DMD: variants seen among roughly 807,000 people sequenced by gnomAD.
DMD encodes the protein mutant dystrophin.
A neutral mutation model predicts 330.1 loss-of-function variants in DMD; 63 were observed. That is an observed-to-expected ratio of 0.19 (90% CI 0.16 to 0.24). The LOEUF is 0.24. Ranked by LOEUF, DMD falls within the 10% of genes least tolerant of loss-of-function variation. The pLI, the probability that DMD is intolerant of heterozygous loss-of-function variation, is 1.00. For missense variants in DMD, 3,344 were observed against 2,684.1 expected, an observed-to-expected ratio of 1.25 and a Z score of -5.43; for synonymous variants, 1,223 against 959.8, an observed-to-expected ratio of 1.27 and a Z score of -5.07.
intron 1 of DMD, among the ~76,000 whole-genome samples, chrX:33,295,723 A>G (rs2053574176): frequency 1.8e-5 from 2 of 111,489 alleles, no homozygotes; most frequent in South Asian, 7.4e-4. Flanking sequence ...TGCGGTGTGC[A>G]ATAAACAGAC....
rs1405508741 is a variant in DMD at position 33,211,221 on chromosome X, G to C, written c.31+61C>G. ...TAAAATCAATCTACCTAATTAGTGA[G>C]CTTGTCACAAACTAAACGTTATGCC... On this transcript the variant is annotated intron_variant, in intron 1 of 78. Coordinates refer to ENST00000357033, the MANE Select transcript of DMD (RefSeq NM_004006.3). The C allele has an allele frequency of 2.6e-6, 3 of 1,168,226 alleles. No homozygotes were observed. The East Asian group carries it at 9.1e-5, about 35-fold the overall frequency.
At position 32,094,483 on chromosome X, in the gene DMD, G is replaced by C. The variant is rs181386178; in HGVS notation, c.6438+122433C>G. On this transcript the variant is annotated intron_variant, in intron 44 of 78. Transcript: ENST00000357033. Reference sequence around the variant, plus strand: ...AATATCAATAATGCCAAAATGTTTAGTTATTTTTGTGAGATATCTCAATAC... The same window carrying C: ...AATATCAATAATGCCAAAATGTTTACTTATTTTTGTGAGATATCTCAATAC... Among the ~76,000 whole-genome samples, 464 of 111,672 alleles carry C rather than the reference G, an allele frequency of 4.2e-3. 4 individuals are homozygous for C. The highest frequency in any genetic ancestry group is 0.015 in the African/African-American group (451 of 30,697).
intron 2 of DMD, among the ~76,000 whole-genome samples, chrX:32,911,480 T>A (rs894327819): frequency 8.9e-6 from 1 of 112,275 alleles, no homozygotes; most frequent in African/African-American, 3.2e-5. Flanking sequence ...GTAAATTGTG[T>A]ACTACTTACA....
chrX:32,874,590 G>A lies in DMD; in HGVS notation c.94-24770C>T, dbSNP rs1004954516. Among the ~76,000 whole-genome samples, 3 of 111,471 alleles carry A rather than the reference G, an allele frequency of 2.7e-5. No homozygotes were observed. The Admixed American group carries it at 2.9e-4, about 11-fold the overall frequency. Reference sequence around the variant, plus strand: ...CAGCAGTTATGATGGACTAGAAATGGCCACAAAATTATTTGACACTTCTTT... The same window carrying A: ...CAGCAGTTATGATGGACTAGAAATGACCACAAAATTATTTGACACTTCTTT... On this transcript the variant is annotated intron_variant, in intron 2 of 78. Coordinates refer to ENST00000357033, the MANE Select transcript of DMD (RefSeq NM_004006.3).
chrX:31,702,042 A>G (rs760316757), intron 52 of DMD, among the ~76,000 whole-genome samples: 3 of 112,060 alleles, frequency 2.7e-5, no homozygotes, highest in African/African-American at 9.7e-5. Flanking sequence ...ATGTTTTCAG[A>G]TATCCCTTCA....
At chrX:32,816,392 T>C (rs2077763224) in intron 6 of DMD, 76 bp downstream of exon 6, 8 of 1,106,673 alleles carry the variant, frequency 7.2e-6, no homozygotes, top group East Asian at 3.0e-5. Flanking sequence ...TCTGGAACCA[T>C]ACTGGGGAAA....
chrX:32,377,750 A>G (rs2097909651), intron 34 of DMD, among the ~76,000 whole-genome samples: 1 of 111,874 alleles, frequency 8.9e-6, no homozygotes, highest in Non-Finnish European at 1.9e-5. Flanking sequence ...ACAGAAGGTT[A>G]CATGATGTGA....
intron 17 of DMD, among the ~76,000 whole-genome samples, chrX:32,543,558 C>T (rs2048688850): frequency 8.9e-6 from 1 of 111,892 alleles, no homozygotes; most frequent in Non-Finnish European, 1.9e-5. Context: ...GTCCACTAAG[C>T]GTTGTCTATA....
chrX:31,712,716 T>C (rs1603450471), intron 52 of DMD, among the ~76,000 whole-genome samples: 1 of 111,287 alleles, frequency 9.0e-6, no homozygotes, highest in South Asian at 3.8e-4. Flanking sequence ...TAATCAGGAC[T>C]TATGCTGTGT....
intron 29 of DMD, among the ~76,000 whole-genome samples, chrX:32,423,954 C>G (rs1196788677): frequency 1.8e-5 from 2 of 111,183 alleles, no homozygotes; most frequent in African/African-American, 6.5e-5. Context: ...GGAAAAATTT[C>G]TAATTTACAA....
At chrX:32,427,955 A>G (rs112785876) in intron 29 of DMD, among the ~76,000 whole-genome samples, 3,761 of 111,009 alleles carry the variant, frequency 0.034, 163 homozygotes, top group African/African-American at 0.11. Context: ...TAGTTATAAC[A>G]TTTTCATCCT....
intron 44 of DMD, among the ~76,000 whole-genome samples, chrX:32,185,829 G>A (rs1039721671): frequency 9.1e-6 from 1 of 109,866 alleles, no homozygotes; most frequent in African/African-American, 3.4e-5. Flanking sequence ...CCCCAAATTT[G>A]TGTTGTTTAT....
intron 2 of DMD, among the ~76,000 whole-genome samples, chrX:32,965,219 C>T (rs766778271): frequency 1.8e-5 from 2 of 111,199 alleles, no homozygotes; most frequent in East Asian, 2.8e-4. Flanking sequence ...GGGCTGGGTG[C>T]GGTGGCTCAC....
At chrX:31,261,876 A>G (rs865990789) in intron 62 of DMD, 1 of 112,464 alleles carries the variant, frequency 8.9e-6, no homozygotes, top group Non-Finnish European at 1.9e-5. Flanking sequence ...GGATTGCATG[A>G]CAGGCTTTGA....
intron 44 of DMD, among the ~76,000 whole-genome samples, chrX:32,170,713 T>C (rs1432245955): frequency 9.1e-6 from 1 of 110,057 alleles, no homozygotes; most frequent in Non-Finnish European, 1.9e-5. Context: ...AATAATTCTT[T>C]GTTGTAAGAG....
At chrX:31,445,287 G>GAAAACAAACTTGCAGAGGTTTGTTTTC (rs1203196124) in intron 59 of DMD, among the ~76,000 whole-genome samples, 34 of 111,546 alleles carry the variant, frequency 3.0e-4, no homozygotes, top group African/African-American at 1.0e-3. Context: ...TTATACATGA[G>GAAAACAAACTTGCAGAGGTTTGTTTTC]AAAACAAACT....
intron 4 of DMD, among the ~76,000 whole-genome samples, chrX:32,844,224 G>A (rs1300408595): frequency 9.1e-6 from 1 of 110,071 alleles, no homozygotes; most frequent in African/African-American, 3.3e-5. Context: ...TGGCCAACAT[G>A]GTGAAACCCT....
intron 1 of DMD, among the ~76,000 whole-genome samples, chrX:33,272,451 A>G (rs1187722557): frequency 8.9e-6 from 1 of 112,133 alleles, no homozygotes; most frequent in Non-Finnish European, 1.9e-5. Context: ...GTTAAAGAAC[A>G]AAAAGGACGA....
At chrX:31,329,988 A>C (rs1288176428) in intron 61 of DMD, among the ~76,000 whole-genome samples, 1 of 104,041 alleles carries the variant, frequency 9.6e-6, no homozygotes, top group Admixed American at 1.0e-4. Flanking sequence ...AAAAAAAAAA[A>C]AAAAAAAAAA....
Sources: gnomAD v4.1 joint callset for allele counts (sites outside exome capture counted in the v4.1 genomes callset) on GRCh38, gnomAD v4.1.1 for gene constraint, MANE v1.5 for transcripts, NCBI Gene and HGNC (gene_info 2026-07-23, HGNC 2026-07-21) for gene names.